Variants in CNTNAP3B observed in about 807,000 individuals in gnomAD.
The protein encoded by CNTNAP3B is contactin associated protein family member 3B.
A neutral mutation model predicts 108.9 loss-of-function variants in CNTNAP3B; 25 were observed. The observed-to-expected ratio is 0.23, with a 90% CI of 0.17 to 0.32. The LOEUF (loss-of-function observed/expected upper bound fraction) is 0.32, where lower values mean the gene tolerates loss of function less well. Among genes scored for constraint, CNTNAP3B ranks in the 10% least tolerant of loss-of-function variants. CNTNAP3B has a pLI of 1.00. For missense variants in CNTNAP3B, 252 were observed against 1,210.4 expected (o/e 0.21, Z 11.75); for synonymous variants, 103 against 473.4 (o/e 0.22, Z 10.16).
At position 42,108,761 on chromosome 9, in the gene CNTNAP3B, G is replaced by C. The variant is rs562028405; in HGVS notation, c.86-4022C>G. Among the ~76,000 whole-genome samples, 15 of 137,608 alleles carry C rather than the reference G, an allele frequency of 1.1e-4. 2 individuals carry two copies. The South Asian group carries it at 3.6e-3, about 33-fold the overall frequency. The allele number at this position is 137,608 out of a possible 152,430, so 90.3% of individuals were successfully genotyped here. ...TCCTCTCTCCCCACTCTATGGTCTT[G>C]ATTTGTCCCCTGACCCCTGCCTGGC... On this transcript the variant is annotated intron_variant, in intron 1 of 23. Transcript: ENST00000377561.
intron 3 of CNTNAP3B, among the ~76,000 whole-genome samples, chr9:42,069,220 A>T (rs1827324124): frequency 7.8e-6 from 1 of 127,442 alleles, no homozygotes; most frequent in South Asian, 2.6e-4. Context: ...AATTAAAATC[A>T]GAGAGAAAAA....
In CNTNAP3B at chr9:41,919,095, G is replaced by T. The variant is rs1367052309; in HGVS notation, c.2995+975C>A. ...TATTATAAATATATTAAATAAGTCAGTACAGAGTACTTAATACTAAAATCA... is the reference window on the plus strand; with the variant it reads ...TATTATAAATATATTAAATAAGTCATTACAGAGTACTTAATACTAAAATCA... On this transcript the variant is annotated intron_variant, in intron 18 of 23. Transcript: ENST00000377561. Among the ~76,000 whole-genome samples, 4 of 152,366 alleles carry T rather than the reference G, an allele frequency of 2.6e-5. No homozygotes were observed. The East Asian group carries it at 7.7e-4, about 29-fold the overall frequency.
intron 1 of CNTNAP3B, among the ~76,000 whole-genome samples, chr9:42,115,001 C>A (rs1268058523): frequency 7.3e-6 from 1 of 136,706 alleles, no homozygotes; most frequent in Non-Finnish European, 1.6e-5. Context: ...TTGCAGTGAG[C>A]CAAGATTGTG....
chr9:42,116,741 G>T lies in CNTNAP3B; in HGVS notation c.86-12002C>A, dbSNP rs1307639639. On this transcript the variant is annotated intron_variant, in intron 1 of 23. Transcript: ENST00000377561. ...GACACAGAGTGGCAAATTGGATAAA[G>T]AGTCAAGACCCATCAGTGTGCTGTA... 2.1e-5 allele frequency among the ~76,000 whole-genome samples: 3 copies of T among 139,726 alleles called. No homozygotes were observed. The South Asian group carries it at 6.9e-4, about 32-fold the overall frequency. The allele number at this position is 139,726 out of a possible 152,430, so 91.7% of individuals were successfully genotyped here.
At chr9:41,921,708 G>A (rs1453188515) in intron 17 of CNTNAP3B, among the ~76,000 whole-genome samples, 2 of 152,376 alleles carry the variant, frequency 1.3e-5, no homozygotes, top group African/African-American at 2.4e-5. Context: ...GACTTCCAGA[G>A]CTATCACCTT....
chr9:41,916,080 T>C (rs1416981612), intron 18 of CNTNAP3B, among the ~76,000 whole-genome samples: 19 of 149,402 alleles, frequency 1.3e-4, no homozygotes, highest in Non-Finnish European at 2.7e-4. Context: ...TTTTAAAAAA[T>C]CTGAGAAAAG....
intron 15 of CNTNAP3B, among the ~76,000 whole-genome samples, chr9:41,924,821 G>A (rs1244594354): frequency 1.3e-5 from 2 of 152,270 alleles, no homozygotes; most frequent in African/African-American, 4.8e-5. Context: ...CCTTTATTCT[G>A]GTACAGTGTG....
At chr9:42,024,656 G>A (rs1240120292) in intron 3 of CNTNAP3B, among the ~76,000 whole-genome samples, 2 of 111,838 alleles carry the variant, frequency 1.8e-5, no homozygotes, top group Non-Finnish European at 3.7e-5. Context: ...AGAATACATG[G>A]CTCCAGGGTT....
chr9:41,925,610 C>G (rs1823796542), intron 15 of CNTNAP3B, among the ~76,000 whole-genome samples: 1 of 152,230 alleles, frequency 6.6e-6, no homozygotes, highest in Non-Finnish European at 1.5e-5. Flanking sequence ...AACAAACAAA[C>G]AAACCAAGAA....
chr9:42,071,920 GTGA>G (rs1194228769), intron 3 of CNTNAP3B, among the ~76,000 whole-genome samples: 10 of 151,174 alleles, frequency 6.6e-5, no homozygotes, highest in African/African-American at 2.5e-4. Flanking sequence ...AATAGGTTTG[GTGA>G]TGGGAAGGAT....
In CNTNAP3B at chr9:42,116,710, T is replaced by C. The variant is rs575779741; in HGVS notation, c.86-11971A>G. Among the ~76,000 whole-genome samples, 623 of 139,710 alleles carry C rather than the reference T, an allele frequency of 4.5e-3. 134 individuals carry two copies. Among genetic ancestry groups the C allele is most frequent in the African/African-American group, 0.017 (596 of 35,170 alleles). The allele number at this position is 139,710 out of a possible 152,430, so 91.7% of individuals were successfully genotyped here. A position where few individuals can be genotyped will look rare whatever the true frequency, so the allele number is the denominator to read the frequency against. On this transcript the variant is annotated intron_variant, in intron 1 of 23. Transcript: ENST00000377561. ...AATGTAAATAGGCTAAATCCTCCAA[T>C]TAAAAGACACAGAGTGGCAAATTGG...
At chr9:41,927,396 AAG>A (rs1162555694) in intron 15 of CNTNAP3B, among the ~76,000 whole-genome samples, 182 of 148,340 alleles carry the variant, frequency 1.2e-3, no homozygotes, top group Non-Finnish European at 2.2e-3. Context: ...GAAAGAAAAA[AAG>A]AAGACAGGAA....
intron 13 of CNTNAP3B, among the ~76,000 whole-genome samples, chr9:41,939,473 C>G (rs1824265234): frequency 1.3e-5 from 2 of 150,854 alleles, no homozygotes; most frequent in South Asian, 4.2e-4. Flanking sequence ...ACCACCACCA[C>G]TATCTATCAC....
intron 18 of CNTNAP3B, among the ~76,000 whole-genome samples, chr9:41,917,971 C>G (rs1226457012): frequency 1.7e-4 from 26 of 152,278 alleles, no homozygotes; most frequent in Non-Finnish European, 3.4e-4. Context: ...ACTGTTATTA[C>G]TGATTAATAA....
chr9:42,042,028 T>C (rs1228667149), intron 3 of CNTNAP3B, among the ~76,000 whole-genome samples: 1 of 124,910 alleles, frequency 8.0e-6, no homozygotes, highest in South Asian at 2.5e-4. Context: ...TAGGTGGGAA[T>C]TGAACAATGA....
intron 1 of CNTNAP3B, among the ~76,000 whole-genome samples, chr9:42,110,884 A>C (rs200199919): frequency 1.4e-5 from 2 of 139,794 alleles, no homozygotes; most frequent in East Asian, 4.3e-4. Context: ...GTGCATTGCT[A>C]TCTAGAGGGA....
At chr9:41,943,345 A>ATTTTTTT (rs1165684239) in intron 13 of CNTNAP3B, among the ~76,000 whole-genome samples, 4 of 132,560 alleles carry the variant, frequency 3.0e-5, no homozygotes, top group Non-Finnish European at 6.3e-5. Context: ...TTGGACAATA[A>ATTTTTTT]TTTTTTTTTT....
At chr9:42,064,709 G>T (rs1001264616) in intron 3 of CNTNAP3B, among the ~76,000 whole-genome samples, 1 of 132,544 alleles carries the variant, frequency 7.5e-6, no homozygotes, top group Admixed American at 7.7e-5. Flanking sequence ...TGCAGTATTT[G>T]ATTTTCTGTT....
In CNTNAP3B at chr9:41,986,440, A is replaced by T. The variant is rs1490540485; in HGVS notation, c.1334-129T>A. On this transcript the variant is annotated intron_variant, in intron 8 of 23. Transcript: ENST00000377561. ...ATTTACATGTTCATGTATCACTGAA[A>T]AAAACATTAACCACCTATCTTTAAT... 1.6e-5 allele frequency: 17 copies of T among 1,077,374 alleles called. 1 individual carries two copies. The South Asian group carries it at 3.1e-4, about 20-fold the overall frequency. 66.7% of individuals were successfully genotyped at this position (1,077,374 alleles called of 1,614,324 possible).
Sources: allele counts gnomAD v4.1 joint callset (sites outside exome capture counted in the v4.1 genomes callset), GRCh38; gene constraint gnomAD v4.1.1; transcripts MANE v1.5; gene names NCBI Gene and HGNC (gene_info 2026-07-23, HGNC 2026-07-21).